The following PCCA variants were observed in gnomAD, a reference collection of about 807,000 sequenced individuals.
The protein encoded by PCCA is propionyl-CoA carboxylase subunit alpha, also known as propionyl-CoA carboxylase alpha chain, mitochondrial.
PCCA carries 74 observed loss-of-function variants against 101.3 expected under a neutral mutation model. The observed-to-expected ratio is 0.73, with a 90% CI of 0.61 to 0.89. The LOEUF is 0.89. Ranked by LOEUF, PCCA falls within the 40% of genes least tolerant of loss-of-function variation. The pLI, the probability that PCCA is intolerant of heterozygous loss-of-function variation, is 0.00. For missense variants in PCCA, 891 were observed against 907.0 expected, an observed-to-expected ratio of 0.98 and a Z score of 0.23; for synonymous variants, 294 against 313.6, an observed-to-expected ratio of 0.94 and a Z score of 0.66.
chr13:100,511,442 A>T (rs1483658687), intron 21 of PCCA, among the ~76,000 whole-genome samples: 1 of 152,206 alleles, frequency 6.6e-6, no homozygotes, highest in African/African-American at 2.4e-5. Context: ...TCTTTGAAGA[A>T]GTGTCTGCCT....
chr13:100,434,755 A>AC (rs1419967749), intron 20 of PCCA, among the ~76,000 whole-genome samples: 1 of 152,182 alleles, frequency 6.6e-6, no homozygotes, highest in African/African-American at 2.4e-5. Context: ...GCCTCACCAA[A>AC]CCAACAAAGT....
chr13:100,114,460 G>A (rs949599466), intron 4 of PCCA, among the ~76,000 whole-genome samples: 5 of 152,028 alleles, frequency 3.3e-5, no homozygotes, highest in African/African-American at 7.2e-5. Context: ...AAAATTAGCC[G>A]CGTGTGGTGG....
intron 21 of PCCA, among the ~76,000 whole-genome samples, chr13:100,509,260 C>T (rs2086300877): frequency 6.6e-6 from 1 of 152,220 alleles, no homozygotes; most frequent in African/African-American, 2.4e-5. Flanking sequence ...CGTTTGTTCT[C>T]TGCGTAAAAT....
chr13:100,217,251 C>T (rs2059571867), intron 7 of PCCA, among the ~76,000 whole-genome samples: 1 of 151,900 alleles, frequency 6.6e-6, no homozygotes, highest in African/African-American at 2.4e-5. Context: ...TCGAGACCAG[C>T]CTGGCCAGCA....
At chr13:100,164,706 C>A (rs2054855004) in intron 6 of PCCA, among the ~76,000 whole-genome samples, 1 of 152,152 alleles carries the variant, frequency 6.6e-6, no homozygotes. Context: ...GCAGACATAA[C>A]ATAAAATTTA....
At chr13:100,458,294 TACAC>T (rs57961819) in intron 21 of PCCA, among the ~76,000 whole-genome samples, 8,713 of 85,902 alleles carry the variant, frequency 0.1, 736 homozygotes, top group East Asian at 0.18. Flanking sequence ...ACCCCATCTC[TACAC>T]ACACACACAC....
intron 12 of PCCA, among the ~76,000 whole-genome samples, chr13:100,279,357 G>T (rs1337260256): frequency 1.3e-5 from 2 of 152,148 alleles, no homozygotes; most frequent in Non-Finnish European, 2.9e-5. Context: ...GTGATAGGGG[G>T]TATTTGATGT....
intron 21 of PCCA, among the ~76,000 whole-genome samples, chr13:100,514,197 ACACT>A (rs2086674551): frequency 2.0e-5 from 3 of 152,220 alleles, no homozygotes; most frequent in South Asian, 2.1e-4. Context: ...TGCAAAACAC[ACACT>A]CAGGAGTAAA....
At chr13:100,096,235 C>A (rs1450667216) in intron 1 of PCCA, among the ~76,000 whole-genome samples, 1 of 152,022 alleles carries the variant, frequency 6.6e-6, no homozygotes, top group Non-Finnish European at 1.5e-5. Context: ...CACATACTTA[C>A]TTGGTGTCTC....
At chr13:100,342,232 C>G (rs1414894563) in intron 18 of PCCA, among the ~76,000 whole-genome samples, 1 of 151,898 alleles carries the variant, frequency 6.6e-6, no homozygotes, top group Non-Finnish European at 1.5e-5. Flanking sequence ...GTAAAATATA[C>G]AAACACACAT....
At chr13:100,506,440 C>A (rs935992395) in intron 21 of PCCA, among the ~76,000 whole-genome samples, 1 of 152,168 alleles carries the variant, frequency 6.6e-6, no homozygotes, top group Non-Finnish European at 1.5e-5. Context: ...TCTTGGCCGA[C>A]GGTCTACCTC....
At chr13:100,449,757 G>T (rs919526763) in intron 21 of PCCA, among the ~76,000 whole-genome samples, 3 of 152,110 alleles carry the variant, frequency 2.0e-5, no homozygotes, top group Non-Finnish European at 4.4e-5. Flanking sequence ...CCCAAAGTGC[G>T]GGATTACATG....
At chr13:100,442,118 T>C (rs2080420292) in intron 20 of PCCA, among the ~76,000 whole-genome samples, 1 of 152,020 alleles carries the variant, frequency 6.6e-6, no homozygotes, top group Non-Finnish European at 1.5e-5. Flanking sequence ...CTTAGCCTCC[T>C]GAGTGGCTGG....
chr13:100,422,805 A>G (rs568367088), intron 19 of PCCA, among the ~76,000 whole-genome samples: 22 of 148,216 alleles, frequency 1.5e-4, no homozygotes, highest in African/African-American at 5.5e-4. Flanking sequence ...CTTGACTTTC[A>G]TTTCCTTCTG....
intron 6 of PCCA, among the ~76,000 whole-genome samples, chr13:100,195,328 A>G (rs889818388): frequency 2.0e-5 from 3 of 152,210 alleles, no homozygotes; most frequent in Non-Finnish European, 2.9e-5. Context: ...TAATTAAAGC[A>G]TTATTGTTAT....
At chr13:100,285,152 T>G (rs1163027386) in intron 12 of PCCA, among the ~76,000 whole-genome samples, 1 of 152,160 alleles carries the variant, frequency 6.6e-6, no homozygotes, top group African/African-American at 2.4e-5. Flanking sequence ...TTAAAACAGT[T>G]GTGGGGGTTC....
intron 4 of PCCA, among the ~76,000 whole-genome samples, chr13:100,115,475 C>T (rs1022934293): frequency 6.6e-6 from 1 of 152,128 alleles, no homozygotes; most frequent in African/African-American, 2.4e-5. Flanking sequence ...ATGGCTACCC[C>T]ATTTATCCTG....
intron 2 of PCCA, among the ~76,000 whole-genome samples, chr13:100,105,844 C>CAAAAAAAAAAAAAA (rs71114671): frequency 2.9e-4 from 18 of 62,510 alleles, no homozygotes; most frequent in East Asian, 4.8e-4. Context: ...GATCCTGTCT[C>CAAAAAAAAAAAAAA]AAAAAAAAAA....
intron 21 of PCCA, among the ~76,000 whole-genome samples, chr13:100,451,073 T>G (rs1417359812): frequency 1.3e-5 from 2 of 152,150 alleles, no homozygotes; most frequent in Non-Finnish European, 2.9e-5. Context: ...GCAGTTCAAG[T>G]CCAAAGACAG....
Sources: allele counts gnomAD v4.1 joint callset (sites outside exome capture counted in the v4.1 genomes callset), GRCh38; gene constraint gnomAD v4.1.1; transcripts MANE v1.5; gene names NCBI Gene and HGNC (gene_info 2026-07-23, HGNC 2026-07-21).